The following NALF1 variants were observed in gnomAD, a reference collection of about 807,000 sequenced individuals.
NALF1 encodes NALCN channel auxiliary factor 1.
NALF1 carries 3 observed loss-of-function variants against 48.4 expected under a neutral mutation model. The observed-to-expected ratio is 0.06, with a 90% CI of 0.03 to 0.16. The LOEUF (loss-of-function observed/expected upper bound fraction) is 0.16, where lower values mean the gene tolerates loss of function less well. Ranked by LOEUF, NALF1 falls within the 10% of genes least tolerant of loss-of-function variation. The pLI, the probability that NALF1 is intolerant of heterozygous loss-of-function variation, is 1.00. For synonymous variants in NALF1, 262 were observed against 245.7 expected (o/e 1.07, Z -0.62); for missense variants, 526 against 571.5 (o/e 0.92, Z 0.81).
chr13:107,368,467 C>T (rs1259363343), intron 1 of NALF1, among the ~76,000 whole-genome samples: 1 of 152,068 alleles, frequency 6.6e-6, no homozygotes, highest in Non-Finnish European at 1.5e-5. Flanking sequence ...AATTTTCTTA[C>T]AGCTCTGGAA....
chr13:107,850,173 G>C (rs962238748), intron 1 of NALF1, among the ~76,000 whole-genome samples: 7 of 152,048 alleles, frequency 4.6e-5, no homozygotes, highest in Non-Finnish European at 4.4e-5. Flanking sequence ...AAATTGGCCC[G>C]GCATTATCAC....
At chr13:107,616,570 C>T (rs1879385364) in intron 1 of NALF1, among the ~76,000 whole-genome samples, 1 of 152,198 alleles carries the variant, frequency 6.6e-6, no homozygotes, top group Non-Finnish European at 1.5e-5. Flanking sequence ...CCTGCAAACA[C>T]ACAGGCTACA....
At chr13:107,486,765 A>G (rs1234656446) in intron 1 of NALF1, among the ~76,000 whole-genome samples, 1 of 152,152 alleles carries the variant, frequency 6.6e-6, no homozygotes, top group African/African-American at 2.4e-5. Context: ...GCTTCTCCTC[A>G]TTCCCTTCTT....
intron 1 of NALF1, among the ~76,000 whole-genome samples, chr13:107,842,004 ACT>A (rs1880054664): frequency 6.6e-6 from 1 of 151,972 alleles, no homozygotes; most frequent in Non-Finnish European, 1.5e-5. Context: ...ATATTTAAGA[ACT>A]CTTTTAAATT....
At chr13:107,210,117 C>G (rs1471054841) in intron 2 of NALF1, among the ~76,000 whole-genome samples, 1 of 151,898 alleles carries the variant, frequency 6.6e-6, no homozygotes, top group Non-Finnish European at 1.5e-5. Context: ...TTTTAATGCT[C>G]TTAATACTTT....
At chr13:107,722,341 C>T (rs1480044226) in intron 1 of NALF1, among the ~76,000 whole-genome samples, 1 of 152,154 alleles carries the variant, frequency 6.6e-6, no homozygotes, top group East Asian at 1.9e-4. Flanking sequence ...GCATGATACA[C>T]AGAGCAGTCG....
At chr13:107,451,990 T>A (rs1321390892) in intron 1 of NALF1, among the ~76,000 whole-genome samples, 2 of 152,168 alleles carry the variant, frequency 1.3e-5, no homozygotes, top group Non-Finnish European at 2.9e-5. Flanking sequence ...TACTGATTTT[T>A]TTTCTCTCCC....
chr13:107,327,287 T>C (rs1882382896), intron 1 of NALF1, among the ~76,000 whole-genome samples: 1 of 152,102 alleles, frequency 6.6e-6, no homozygotes, highest in African/African-American at 2.4e-5. Context: ...GCCTGGCCTC[T>C]TGTCCTCACT....
chr13:107,836,315 C>T (rs907147088), intron 1 of NALF1, among the ~76,000 whole-genome samples: 3 of 152,058 alleles, frequency 2.0e-5, no homozygotes, highest in Admixed American at 2.0e-4. Flanking sequence ...ACATAATACA[C>T]AGGTGATTTT....
intron 1 of NALF1, among the ~76,000 whole-genome samples, chr13:107,802,744 G>C (rs1256227444): frequency 6.6e-6 from 1 of 151,908 alleles, no homozygotes; most frequent in African/African-American, 2.4e-5. Flanking sequence ...GGGTGTAGAA[G>C]GATAACTGAA....
chr13:107,513,558 A>G (rs1875963176), intron 1 of NALF1, among the ~76,000 whole-genome samples: 1 of 151,930 alleles, frequency 6.6e-6, no homozygotes, highest in South Asian at 2.1e-4. Flanking sequence ...TAGAGGAAGG[A>G]AGTGTCTTTG....
chr13:107,411,365 G>A (rs931301811), intron 1 of NALF1, among the ~76,000 whole-genome samples: 63 of 149,886 alleles, frequency 4.2e-4, no homozygotes, highest in African/African-American at 1.5e-3. Flanking sequence ...AGGCTGGAGT[G>A]CAAATGGGAG....
chr13:107,322,602 G>A (rs1416888595), intron 1 of NALF1, among the ~76,000 whole-genome samples: 1 of 152,150 alleles, frequency 6.6e-6, no homozygotes, highest in Admixed American at 6.5e-5. Context: ...CTGAAGACCA[G>A]CCTAAGAAGG....
In NALF1 at chr13:107,866,143, GGTC is replaced by G. The variant is rs761114629; in HGVS notation, c.451_453del (p.Asp151del). Reference sequence around the variant, plus strand: ...TTTCCTAGAAAAAGAGCCTTGCCCCGGTCGTCTTTGCCTCGGTTGCCCTTGCCG... The same window carrying G: ...TTTCCTAGAAAAAGAGCCTTGCCCCGGTCTTTGCCTCGGTTGCCCTTGCCG... On this transcript the variant is annotated inframe_deletion, in exon 1 of 3. Coordinates refer to ENST00000375915, the MANE Select transcript of NALF1 (RefSeq NM_001080396.3). This position sits in a 1 kb window ranked among gnomAD's most constrained non-coding sequence, Gnocchi z 4.4. The G allele has an allele frequency of 1.2e-6, 2 of 1,610,854 alleles. No individual in the cohort carries two copies. Among genetic ancestry groups the G allele is most frequent in the East Asian group, 2.2e-5 (1 of 44,840 alleles).
chr13:107,674,684 C>T (rs1881070774), intron 1 of NALF1, among the ~76,000 whole-genome samples: 2 of 152,118 alleles, frequency 1.3e-5, no homozygotes, highest in Non-Finnish European at 2.9e-5. Flanking sequence ...AATACATACA[C>T]AGACTAAGGC....
Position 107,204,959 on chromosome 13 carries a change from AT to A in NALF1, c.1087+5624del, listed in dbSNP as rs199611027. Reference sequence around the variant, plus strand: ...TGTTCAAATTAAAATCTATAGAGGTATTTTTTTTTTCTACTGAAATTTTCCT... The same window carrying A: ...TGTTCAAATTAAAATCTATAGAGGTATTTTTTTTTCTACTGAAATTTTCCT... On this transcript the variant is annotated intron_variant, in intron 2 of 2. Coordinates refer to ENST00000375915, the MANE Select transcript of NALF1 (RefSeq NM_001080396.3). 2.0e-3 allele frequency among the ~76,000 whole-genome samples: 294 copies of A among 149,230 alleles called. 3 individuals are homozygous for A. The highest frequency in any genetic ancestry group is 8.7e-3 in the East Asian group (44 of 5,082).
intron 1 of NALF1, among the ~76,000 whole-genome samples, chr13:107,401,806 G>T (rs1883813026): frequency 6.6e-6 from 1 of 152,160 alleles, no homozygotes; most frequent in Admixed American, 6.6e-5. Flanking sequence ...TAGCAATAAA[G>T]TCACAATCAA....
chr13:107,538,738 G>T (rs796929662), intron 1 of NALF1, among the ~76,000 whole-genome samples: 106 of 152,190 alleles, frequency 7.0e-4, no homozygotes, highest in African/African-American at 2.5e-3. Flanking sequence ...GAGAAAAATT[G>T]CTTAATTTCT....
chr13:107,340,283 G>A lies in NALF1; in HGVS notation c.916-129528C>T, dbSNP rs78344364. 9.8e-4 allele frequency among the ~76,000 whole-genome samples: 149 copies of A among 151,782 alleles called. 2 individuals are homozygous for A. In the East Asian group the frequency reaches 0.022, roughly 23 times the overall value. ...AGCCTCCCGAGTAGCTGAGATTACAGGTGCCCACCAACACGCCCGGCTAAT... is the reference window on the plus strand; with the variant it reads ...AGCCTCCCGAGTAGCTGAGATTACAAGTGCCCACCAACACGCCCGGCTAAT... On this transcript the variant is annotated intron_variant, in intron 1 of 2. Transcript: ENST00000375915.
Sources: allele counts gnomAD v4.1 joint callset (sites outside exome capture counted in the v4.1 genomes callset), GRCh38; gene constraint gnomAD v4.1.1; non-coding constraint Gnocchi (gnomAD v3.1); transcripts MANE v1.5; gene names NCBI Gene and HGNC (gene_info 2026-07-23, HGNC 2026-07-21).